Variants in CMC4 observed in about 807,000 individuals in gnomAD.
CMC4 encodes cx9C motif-containing protein 4.
CMC4 carries 4 observed loss-of-function variants against 5.1 expected under a neutral mutation model. The observed-to-expected ratio is 0.78, with a 90% CI of 0.38 to 1.78. The LOEUF is 1.78. CMC4 is among the 40% of genes most tolerant of loss of function. The probability of loss-of-function intolerance (pLI) is 0.04; values close to 1 mark genes in which losing one functional copy is unlikely to be tolerated. For synonymous variants in CMC4, 23 were observed against 18.9 expected (o/e 1.22, Z -0.57); for missense variants, 52 against 51.3 (o/e 1.01, Z -0.04).
chrX:155,062,411 G>A (rs1483337725), intron 2 of CMC4, among the ~76,000 whole-genome samples: 1 of 112,060 alleles, frequency 8.9e-6, no homozygotes. Context: ...TGCAGCCTTA[G>A]GGTCAAATTC....
intron 2 of CMC4, 31 bp from the exon 3 acceptor site, chrX:155,062,022 G>C: frequency 8.4e-7 from 1 of 1,192,670 alleles, no homozygotes; most frequent in Non-Finnish European, 1.1e-6. Context: ...CTCTAGTCAT[G>C]ATCTCATAGG....
rs782220194 is a variant in CMC4, at chrX:155,066,005, T to C, written c.-10-1972A>G. On this transcript the variant is annotated intron_variant, in intron 1 of 2. Coordinates refer to ENST00000369484, the MANE Select transcript of CMC4 (RefSeq NM_001018024.3). ...CGGGTGGAGCCCCCACATCCTCTCC[T>C]GCCATTCTGGGCTTTGGGTTCCAAT... 2.5e-6 allele frequency: 3 copies of C among 1,205,327 alleles called. No individual in the cohort carries two copies. In the East Asian group the frequency reaches 8.9e-5, roughly 36 times the overall value.
chrX:155,067,189 C>G (rs1430675533), intron 1 of CMC4, among the ~76,000 whole-genome samples: 2 of 111,588 alleles, frequency 1.8e-5, no homozygotes, highest in East Asian at 2.8e-4. Context: ...TCGAGAGCAA[C>G]CAGATGCTTC....
intron 2 of CMC4, 38 bp from the exon 3 acceptor site, chrX:155,062,029 T>A (rs2073930073): frequency 8.4e-7 from 1 of 1,186,040 alleles, no homozygotes; most frequent in African/African-American, 1.8e-5. Context: ...CATGATCTCA[T>A]AGGACTAAGG....
intron 2 of CMC4, 103 bp from the exon 3 acceptor site, chrX:155,062,094 G>T: frequency 1.2e-6 from 1 of 804,429 alleles, no homozygotes; most frequent in Non-Finnish European, 1.7e-6. Context: ...AGTACCTATG[G>T]AACTGGAAGA....
chrX:155,062,975 C>T (rs1225286498), intron 2 of CMC4, among the ~76,000 whole-genome samples: 1 of 111,623 alleles, frequency 9.0e-6, no homozygotes, highest in African/African-American at 3.3e-5. Context: ...TCCCACACTG[C>T]CAAGGGGGTG....
At chrX:155,068,792 A>G (rs1284544206) in intron 1 of CMC4, among the ~76,000 whole-genome samples, 1 of 112,586 alleles carries the variant, frequency 8.9e-6, no homozygotes, top group Admixed American at 9.4e-5. Context: ...TTATTTGCAC[A>G]TGATACTTGT....
chrX:155,064,247 G>A, intron 1 of CMC4: 1 of 274,895 alleles, frequency 3.6e-6, no homozygotes, highest in Non-Finnish European at 6.5e-6. Context: ...AGCTTTACAT[G>A]GAAAAAAAAC....
chrX:155,063,914 ATAGT>A, intron 2 of CMC4, 48 bp downstream of exon 2: 1 of 969,222 alleles, frequency 1.0e-6, no homozygotes, highest in Non-Finnish European at 1.4e-6. Context: ...TTGGTCTCTT[ATAGT>A]TAGTTCACAG....
At chrX:155,065,396 G>T in intron 1 of CMC4, 1 of 863,617 alleles carries the variant, frequency 1.2e-6, no homozygotes, top group Non-Finnish European at 1.7e-6. Flanking sequence ...TAGAATCCCA[G>T]CACCTGGAAA....
Position 155,064,068 on chromosome X carries a change from T to A in CMC4, c.-10-35A>T, listed in dbSNP as rs782110131. 8 of 1,120,051 alleles carry A rather than the reference T, an allele frequency of 7.1e-6. No homozygotes were observed. In the East Asian group the frequency reaches 2.1e-4, roughly 30 times the overall value. 92.3% of individuals were successfully genotyped at this position (1,120,051 alleles called of 1,213,427 possible). On this transcript the variant is annotated intron_variant, in intron 1 of 2. Transcript: ENST00000369484. ...GAAAAATGATTTTTATTTTTCTTTTTTCCATAAAGACTTTAAAGCCCCTCT... is the reference window on the plus strand; with the variant it reads ...GAAAAATGATTTTTATTTTTCTTTTATCCATAAAGACTTTAAAGCCCCTCT...
intron 1 of CMC4, among the ~76,000 whole-genome samples, chrX:155,068,726 T>C (rs2073958144): frequency 8.9e-6 from 1 of 112,693 alleles, no homozygotes; most frequent in Non-Finnish European, 1.9e-5. Context: ...TGGCAAGTTA[T>C]GCAGTAAAGA....
chrX:155,063,689 T>G (rs2073936873), intron 2 of CMC4, among the ~76,000 whole-genome samples: 1 of 111,532 alleles, frequency 9.0e-6, no homozygotes, highest in Admixed American at 9.5e-5. Context: ...CAAAAAACCC[T>G]TTTTTTCCTA....
intron 1 of CMC4, chrX:155,065,862 C>T: frequency 8.3e-7 from 1 of 1,198,832 alleles, no homozygotes; most frequent in Non-Finnish European, 1.1e-6. Flanking sequence ...AACCAAGTTA[C>T]TTGAAAGCAA....
Position 155,066,889 on chromosome X carries a change from T to C in CMC4, c.-10-2856A>G, listed in dbSNP as rs73641117. Reference sequence around the variant, plus strand: ...ACATTTGAGAGGTGTAAAGGAAGCATACCTCCCAAAGCATTTGAGTGGTAG... The same window carrying C: ...ACATTTGAGAGGTGTAAAGGAAGCACACCTCCCAAAGCATTTGAGTGGTAG... On this transcript the variant is annotated intron_variant, in intron 1 of 2. Coordinates refer to ENST00000369484, the MANE Select transcript of CMC4 (RefSeq NM_001018024.3). 4.3e-3 allele frequency among the ~76,000 whole-genome samples: 479 copies of C among 112,125 alleles called. 1 individual carries two copies. The highest frequency in any genetic ancestry group is 0.015 in the African/African-American group (455 of 30,836).
intron 1 of CMC4, among the ~76,000 whole-genome samples, chrX:155,070,210 C>G (rs782538152): frequency 8.9e-6 from 1 of 111,998 alleles, no homozygotes; most frequent in African/African-American, 3.3e-5. Context: ...AGCATCAACA[C>G]TTCAAGTAGC....
At chrX:155,065,901 GT>G in intron 1 of CMC4, 1 of 1,208,594 alleles carries the variant, frequency 8.3e-7, no homozygotes, top group Non-Finnish European at 1.1e-6. Flanking sequence ...AATGTAAACA[GT>G]TACCTCTTCC....
intron 1 of CMC4, among the ~76,000 whole-genome samples, chrX:155,067,755 G>A (rs782151829): frequency 8.0e-5 from 9 of 112,191 alleles, no homozygotes; most frequent in Non-Finnish European, 1.5e-4. Context: ...TACAGTTCTG[G>A]GCACCCCAAG....
At position 155,061,746 on chromosome X, in the gene CMC4, C is replaced by G; in HGVS notation, c.*97G>C. 1 of 1,031,753 alleles carries G rather than the reference C, an allele frequency of 9.7e-7. No homozygotes were observed. Among genetic ancestry groups the G allele is most frequent in the Non-Finnish European group, 1.3e-6 (1 of 763,572 alleles). 85.0% of individuals were successfully genotyped at this position (1,031,753 alleles called of 1,213,427 possible). On this transcript the variant is annotated 3_prime_UTR_variant, in exon 3 of 3. Transcript: ENST00000369484. ...CATATTCATTAACTTTTGTAGCTGA[C>G]TTTTTCATTTGCTATTTGCTGCTAC...
Sources: gnomAD v4.1 joint callset for allele counts (sites outside exome capture counted in the v4.1 genomes callset) on GRCh38, gnomAD v4.1.1 for gene constraint, MANE v1.5 for transcripts, NCBI Gene and HGNC (gene_info 2026-07-23, HGNC 2026-07-21) for gene names.